The following PBX1 variants were observed in gnomAD, a reference collection of about 807,000 sequenced individuals.
The protein encoded by PBX1 is PBX homeobox 1, also known as pre-B-cell leukemia transcription factor 1.
In PBX1, 6 loss-of-function variants were observed where a neutral mutation model predicts 53.4. The ratio of observed to expected loss-of-function variants is 0.11; its 90% CI spans 0.06 to 0.22. The LOEUF (loss-of-function observed/expected upper bound fraction) is 0.22, where lower values mean the gene tolerates loss of function less well. Ranked by LOEUF, PBX1 falls within the 10% of genes least tolerant of loss-of-function variation. The probability of loss-of-function intolerance (pLI) is 1.00; values close to 1 mark genes in which losing one functional copy is unlikely to be tolerated. For synonymous variants in PBX1, 204 were observed against 212.3 expected (o/e 0.96, Z 0.34); for missense variants, 251 against 551.4 (o/e 0.46, Z 5.46).
intron 2 of PBX1, among the ~76,000 whole-genome samples, chr1:164,629,762 G>T (rs781109956): frequency 9.2e-5 from 14 of 152,178 alleles, no homozygotes; most frequent in Non-Finnish European, 1.6e-4. Context: ...ACCTCATCTG[G>T]CAAATGTGGA....
At chr1:164,582,258 T>C (rs1654661212) in intron 2 of PBX1, among the ~76,000 whole-genome samples, 2 of 152,136 alleles carry the variant, frequency 1.3e-5, no homozygotes, top group Admixed American at 6.5e-5. Context: ...CCTAGAAAGG[T>C]TGGCTACAGA....
chr1:164,569,133 C>G lies in PBX1; in HGVS notation c.265+5822C>G, dbSNP rs186421478. On this transcript the variant is annotated intron_variant, in intron 2 of 8. Coordinates refer to ENST00000420696, the MANE Select transcript of PBX1 (RefSeq NM_002585.4). ...GACCTTCTACTAAGTAGTTATAAGA[C>G]CATAGAAAAGTTGCTTAAATAATTT... is the stretch of plus-strand genomic sequence containing the variant. Among the ~76,000 whole-genome samples, 45 of 152,228 alleles carry G rather than the reference C, an allele frequency of 3.0e-4. 2 individuals are homozygous for G. The East Asian group carries it at 8.1e-3, about 27-fold the overall frequency.
At chr1:164,689,827 C>T (rs562759793) in intron 2 of PBX1, among the ~76,000 whole-genome samples, 9 of 152,190 alleles carry the variant, frequency 5.9e-5, no homozygotes, top group Admixed American at 2.6e-4. Flanking sequence ...TCTCTCTCCC[C>T]GTGCCCTGCT....
chr1:164,644,220 T>C (rs1659314745), intron 2 of PBX1, among the ~76,000 whole-genome samples: 1 of 152,228 alleles, frequency 6.6e-6, no homozygotes, highest in Non-Finnish European at 1.5e-5. Flanking sequence ...TTACTTGTCT[T>C]TACAAGTTAA....
At chr1:164,657,612 A>G in intron 2 of PBX1, among the ~76,000 whole-genome samples, 1 of 152,334 alleles carries the variant, frequency 6.6e-6, no homozygotes, top group African/African-American at 2.4e-5. Flanking sequence ...TAAAATATGG[A>G]GCATTGGATG....
At chr1:164,803,558 A>G (rs1412944964) in intron 4 of PBX1, among the ~76,000 whole-genome samples, 3 of 152,088 alleles carry the variant, frequency 2.0e-5, no homozygotes, top group Non-Finnish European at 4.4e-5. Flanking sequence ...GTTGTGGGAG[A>G]GAAATATGCA....
At chr1:164,796,171 G>A (rs923850611) in intron 3 of PBX1, among the ~76,000 whole-genome samples, 5 of 151,996 alleles carry the variant, frequency 3.3e-5, no homozygotes, top group East Asian at 1.9e-4. Flanking sequence ...CACCACGCCC[G>A]GCTAATTTTT....
intron 2 of PBX1, among the ~76,000 whole-genome samples, chr1:164,595,121 T>G (rs893905626): frequency 6.6e-6 from 1 of 152,158 alleles, no homozygotes; most frequent in Non-Finnish European, 1.5e-5. Flanking sequence ...AACCTAGAGT[T>G]ATATTGTATT....
chr1:164,740,525 G>C (rs1307165566), intron 2 of PBX1, among the ~76,000 whole-genome samples: 26 of 152,020 alleles, frequency 1.7e-4, no homozygotes, highest in Admixed American at 1.7e-3. Context: ...AACTATCTTT[G>C]GTGATGGTAG....
At chr1:164,607,212 A>T (rs762120031) in intron 2 of PBX1, among the ~76,000 whole-genome samples, 1 of 152,152 alleles carries the variant, frequency 6.6e-6, no homozygotes, top group Admixed American at 6.5e-5. Context: ...ACAAGATCAG[A>T]TTTGTACTTT....
intron 2 of PBX1, among the ~76,000 whole-genome samples, chr1:164,862,615 A>G (rs1436923114): frequency 2.0e-5 from 3 of 152,210 alleles, no homozygotes; most frequent in Non-Finnish European, 4.4e-5. Context: ...GAGATTTACC[A>G]GAAGCCAAAC....
chr1:164,620,123 G>T (rs6669208), intron 2 of PBX1, among the ~76,000 whole-genome samples: 1 of 152,112 alleles, frequency 6.6e-6, no homozygotes, highest in Admixed American at 6.5e-5. Context: ...AGCCCAGGGA[G>T]GTCAAGGCTG....
intron 2 of PBX1, among the ~76,000 whole-genome samples, chr1:164,777,679 G>T (rs1471891107): frequency 2.0e-5 from 3 of 152,144 alleles, no homozygotes; most frequent in African/African-American, 7.2e-5. Flanking sequence ...TCACTTAAAG[G>T]CTGGATAACT....
intron 2 of PBX1, among the ~76,000 whole-genome samples, chr1:164,870,313 CTT>C (rs1411418860): frequency 1.2e-5 from 1 of 84,226 alleles, no homozygotes; most frequent in East Asian, 2.9e-4. Flanking sequence ...TTCTTTCTTT[CTT>C]TCTTTCTTTC....
chr1:164,762,112 C>T (rs1050548197), intron 2 of PBX1, among the ~76,000 whole-genome samples: 5 of 152,138 alleles, frequency 3.3e-5, no homozygotes, highest in Admixed American at 2.0e-4. Flanking sequence ...TTGTTTCACC[C>T]TTATTTTGAT....
intron 6 of PBX1, 60 bp from the exon 7 acceptor site, chr1:164,820,012 G>A: frequency 2.1e-6 from 2 of 959,544 alleles, no homozygotes; most frequent in Non-Finnish European, 3.3e-6. Context: ...TTGGCTGTTA[G>A]TTGCGGGGTT....
At chr1:164,799,927 G>T in intron 4 of PBX1, 38 bp downstream of exon 4, 2 of 1,567,098 alleles carry the variant, frequency 1.3e-6, no homozygotes, top group Non-Finnish European at 1.7e-6. Flanking sequence ...CTCTCTGGGA[G>T]TCCCTGATCT....
intron 2 of PBX1, among the ~76,000 whole-genome samples, chr1:164,881,360 GGAGGAAAA>G (rs1316834014): frequency 4.0e-4 from 35 of 87,298 alleles, no homozygotes; most frequent in African/African-American, 1.1e-3. Context: ...AAGGAAGGAA[GGAGGAAAA>G]GAAGGAAGGA....
At chr1:164,562,251 A>G (rs1393032863) in intron 1 of PBX1, among the ~76,000 whole-genome samples, 1 of 152,116 alleles carries the variant, frequency 6.6e-6, no homozygotes, top group Non-Finnish European at 1.5e-5. Flanking sequence ...TTTCAAAGGG[A>G]TTAAAAAAGA....
Sources: allele counts gnomAD v4.1 joint callset (sites outside exome capture counted in the v4.1 genomes callset), GRCh38; gene constraint gnomAD v4.1.1; transcripts MANE v1.5; gene names NCBI Gene and HGNC (gene_info 2026-07-23, HGNC 2026-07-21).